ADCK1: variants seen among roughly 807,000 people sequenced by gnomAD.
ADCK1 encodes aarF domain-containing protein kinase 1.
Under a neutral mutation model 52.3 loss-of-function variants are expected in ADCK1, and 41 were observed. The observed-to-expected ratio is 0.78, with a 90% CI of 0.61 to 1.02. ADCK1 has a LOEUF of 1.02. Ranked by LOEUF, ADCK1 falls within the 50% of genes least tolerant of loss-of-function variation. ADCK1 has a pLI of 0.00. For missense variants in ADCK1, 658 were observed against 679.5 expected (o/e 0.97, Z 0.35); for synonymous variants, 250 against 274.6 (o/e 0.91, Z 0.89).
At chr14:77,901,238 A>T (rs2083535646) in intron 6 of ADCK1, among the ~76,000 whole-genome samples, 1 of 150,574 alleles carries the variant, frequency 6.6e-6, no homozygotes, top group African/African-American at 2.4e-5. Flanking sequence ...TTTAGTAGAG[A>T]TGGGGTTTCA....
chr14:77,921,349 GA>G (rs923068399), intron 7 of ADCK1, among the ~76,000 whole-genome samples: 7 of 80,396 alleles, frequency 8.7e-5, no homozygotes, highest in African/African-American at 1.8e-4. Context: ...AAAAAAAAAA[GA>G]AAAAAAAGTT....
chr14:77,850,074 G>C (rs1395841713), intron 3 of ADCK1, among the ~76,000 whole-genome samples: 1 of 152,110 alleles, frequency 6.6e-6, no homozygotes, highest in Admixed American at 6.6e-5. Context: ...GGGTGTGGTG[G>C]TGTGTGCCTG....
At chr14:77,918,226 G>A (rs8018594) in intron 7 of ADCK1, among the ~76,000 whole-genome samples, 40,858 of 152,014 alleles carry the variant, frequency 0.27, 5,747 homozygotes, top group Admixed American at 0.42. Flanking sequence ...GTTTATATGG[G>A]GGAACTTACA....
At chr14:77,808,357 T>A (rs1000940542) in intron 1 of ADCK1, among the ~76,000 whole-genome samples, 3 of 151,840 alleles carry the variant, frequency 2.0e-5, no homozygotes, top group African/African-American at 7.2e-5. Flanking sequence ...GTTGATGGGG[T>A]GATTAAAGTA....
chr14:77,864,749 T>C (rs2082627378), intron 4 of ADCK1, among the ~76,000 whole-genome samples: 3 of 152,134 alleles, frequency 2.0e-5, no homozygotes, highest in African/African-American at 7.2e-5. Flanking sequence ...AGGAATTGGC[T>C]GATGTGGGTT....
At chr14:77,861,510 T>C (rs975654047) in intron 4 of ADCK1, among the ~76,000 whole-genome samples, 1 of 152,032 alleles carries the variant, frequency 6.6e-6, no homozygotes, top group African/African-American at 2.4e-5. Flanking sequence ...TCCAGGATGC[T>C]TGAGTGGGCC....
intron 7 of ADCK1, among the ~76,000 whole-genome samples, chr14:77,911,736 T>C (rs544585605): frequency 2.6e-5 from 4 of 151,990 alleles, no homozygotes; most frequent in East Asian, 3.9e-4. Context: ...AGCTTTCTTT[T>C]TTTTTTTTTT....
At chr14:77,893,196 A>G (rs2083319380) in intron 5 of ADCK1, among the ~76,000 whole-genome samples, 1 of 152,214 alleles carries the variant, frequency 6.6e-6, no homozygotes, top group Non-Finnish European at 1.5e-5. Context: ...CCAGAGCCAG[A>G]CTAATTGGGC....
At chr14:77,831,435 A>G (rs767732807) in intron 3 of ADCK1, among the ~76,000 whole-genome samples, 2 of 152,176 alleles carry the variant, frequency 1.3e-5, no homozygotes, top group Non-Finnish European at 2.9e-5. Flanking sequence ...ATTTGCTATA[A>G]GAACCATTTG....
At chr14:77,865,458 GGGT>G (rs2082642282) in intron 4 of ADCK1, among the ~76,000 whole-genome samples, 1 of 152,188 alleles carries the variant, frequency 6.6e-6, no homozygotes, top group Non-Finnish European at 1.5e-5. Context: ...ACTCCAGCCT[GGGT>G]GACAGAGTGA....
At chr14:77,858,541 A>G (rs1254717877) in intron 3 of ADCK1, among the ~76,000 whole-genome samples, 1 of 152,098 alleles carries the variant, frequency 6.6e-6, no homozygotes, top group Non-Finnish European at 1.5e-5. Context: ...CGCCTGGCCT[A>G]GTGATTTCCT....
At chr14:77,920,589 C>G (rs928715897) in intron 7 of ADCK1, among the ~76,000 whole-genome samples, 1 of 151,944 alleles carries the variant, frequency 6.6e-6, no homozygotes, top group African/African-American at 2.4e-5. Flanking sequence ...GGACTTGCCC[C>G]CTTATTAACG....
At chr14:77,876,822 C>A (rs920298691) in intron 4 of ADCK1, among the ~76,000 whole-genome samples, 2 of 152,202 alleles carry the variant, frequency 1.3e-5, no homozygotes, top group African/African-American at 4.8e-5. Flanking sequence ...ATCCATGGAG[C>A]CTGGGTTTAC....
chr14:77,856,986 CA>C (rs1220400144), intron 3 of ADCK1, among the ~76,000 whole-genome samples: 27 of 148,622 alleles, frequency 1.8e-4, no homozygotes, highest in South Asian at 2.1e-4. Context: ...TGGGTGTCTC[CA>C]AAAAAAAAAA....
At chr14:77,824,745 TTTTACA>T (rs2081657743) in intron 3 of ADCK1, among the ~76,000 whole-genome samples, 1 of 152,142 alleles carries the variant, frequency 6.6e-6, no homozygotes, top group South Asian at 2.1e-4. Flanking sequence ...CAAAATGCCT[TTTTACA>T]GTTAGTTTGT....
intron 5 of ADCK1, among the ~76,000 whole-genome samples, chr14:77,893,736 C>CCTTCCTTCCTTTCTTT (rs10634042): frequency 7.5e-6 from 1 of 133,206 alleles, no homozygotes; most frequent in Non-Finnish European, 1.6e-5. Flanking sequence ...TTCCTTCCTT[C>CCTTCCTTCCTTTCTTT]CTTTTTTTTT....
chr14:77,852,073 A>G (rs538439412), intron 3 of ADCK1, among the ~76,000 whole-genome samples: 3 of 151,940 alleles, frequency 2.0e-5, no homozygotes, highest in Non-Finnish European at 4.4e-5. Context: ...ATCTCGGCTC[A>G]CTGCAACCTC....
chr14:77,816,681 C>T (rs1356885733), intron 1 of ADCK1, among the ~76,000 whole-genome samples: 2 of 151,690 alleles, frequency 1.3e-5, no homozygotes, highest in African/African-American at 4.8e-5. Flanking sequence ...TAAGTGTGTA[C>T]CTGAGTTCTG....
intron 9 of ADCK1, among the ~76,000 whole-genome samples, chr14:77,929,489 A>G (rs1238656758): frequency 6.6e-6 from 1 of 152,164 alleles, no homozygotes; most frequent in African/African-American, 2.4e-5. Flanking sequence ...CCTCCCTCCA[A>G]CAGCTTCCTC....
Sources: allele counts gnomAD v4.1 joint callset (sites outside exome capture counted in the v4.1 genomes callset), GRCh38; gene constraint gnomAD v4.1.1; transcripts MANE v1.5; gene names NCBI Gene and HGNC (gene_info 2026-07-23, HGNC 2026-07-21).